PLD5: variants seen among roughly 807,000 people sequenced by gnomAD.
The protein encoded by PLD5 is phospholipase D family member 5.
A neutral mutation model predicts 61.1 loss-of-function variants in PLD5; 36 were observed. That is an observed-to-expected ratio of 0.59 (90% CI 0.45 to 0.78). The LOEUF is 0.78. PLD5 is among the 30% of genes least tolerant of loss of function. PLD5 has a pLI of 0.00. For missense variants in PLD5, 515 were observed against 644.4 expected, an observed-to-expected ratio of 0.80 and a Z score of 2.17; for synonymous variants, 243 against 242.8, an observed-to-expected ratio of 1.00 and a Z score of -0.01.
At chr1:242,239,240 G>A (rs1005491190) in intron 4 of PLD5, among the ~76,000 whole-genome samples, 1 of 152,018 alleles carries the variant, frequency 6.6e-6, no homozygotes, top group Non-Finnish European at 1.5e-5. Flanking sequence ...AATAGGAGTG[G>A]GCACAGTATC....
chr1:242,418,751 T>C (rs575932092), intron 1 of PLD5, among the ~76,000 whole-genome samples: 66 of 152,312 alleles, frequency 4.3e-4, no homozygotes, highest in African/African-American at 1.6e-3. Flanking sequence ...TACTCTTAAA[T>C]GTCCACACCA....
In PLD5 at chr1:242,393,607, C is replaced by T. The variant is rs114579235; in HGVS notation, c.190-45365G>A. Among the ~76,000 whole-genome samples, 223 of 40,290 alleles carry T rather than the reference C, an allele frequency of 5.5e-3. 7 individuals are homozygous for T. Among genetic ancestry groups the T allele is most frequent in the African/African-American group, 0.013 (91 of 7,234 alleles). The allele number at this position is 40,290 out of a possible 152,430, so 26.4% of individuals were successfully genotyped here. A position where few individuals can be genotyped will look rare whatever the true frequency, so the allele number is the denominator to read the frequency against. On this transcript the variant is annotated intron_variant, in intron 1 of 9. Transcript: ENST00000536534. ...GTATACATATGTGTATATATATGAG[C>T]ATATATGTGTATATATATGAGTATA...
chr1:242,130,727 T>A lies in PLD5; in HGVS notation c.736-6062A>T, dbSNP rs536624803. Among the ~76,000 whole-genome samples, 13 of 152,322 alleles carry A rather than the reference T, an allele frequency of 8.5e-5. No individual in the cohort carries two copies. In the East Asian group the frequency reaches 2.3e-3, roughly 27 times the overall value. On this transcript the variant is annotated intron_variant, in intron 5 of 9. Transcript: ENST00000536534. ...GTGGCCGACCACACGCCACAGAGCA[T>A]CCTGATGGGCTGCTCTGACTTCCTA...
Position 242,207,862 on chromosome 1 carries a change from A to ATATATATT in PLD5, c.735+12125_735+12126insAATATATA, listed in dbSNP as rs1558344211. ...TATATTTATATATATTTATATATTTATATATTTATATATATTTATATATTT... is the reference window on the plus strand; with the variant it reads ...TATATTTATATATATTTATATATTTATATATATTTATATTTATATATATTTATATATTT... On this transcript the variant is annotated intron_variant, in intron 5 of 9. Transcript: ENST00000536534. Among the ~76,000 whole-genome samples, 84 of 37,500 alleles carry ATATATATT rather than the reference A, an allele frequency of 2.2e-3. 1 individual carries two copies. Among genetic ancestry groups the ATATATATT allele is most frequent in the Non-Finnish European group, 3.3e-3 (72 of 21,708 alleles). 24.6% of individuals were successfully genotyped at this position (37,500 alleles called of 152,430 possible).
At position 242,241,890 on chromosome 1, in the gene PLD5, TATATATATATATATATATATAC is replaced by T. The variant is rs1318452805; in HGVS notation, c.608-21797_608-21776del. ...CTTACTATATATATATATATATATA[TATATATATATATATATATATAC>T]TTACTGTATATATATATACGCTTAT... On this transcript the variant is annotated intron_variant, in intron 4 of 9. Coordinates refer to ENST00000536534, the MANE Select transcript of PLD5 (RefSeq NM_001372062.1). Among the ~76,000 whole-genome samples, 40 of 35,290 alleles carry T rather than the reference TATATATATATATATATATATAC, an allele frequency of 1.1e-3. No homozygotes were observed. The South Asian group carries it at 0.016, about 15-fold the overall frequency. 23.2% of individuals were successfully genotyped at this position (35,290 alleles called of 152,430 possible). A position where few individuals can be genotyped will look rare whatever the true frequency, so the allele number is the denominator to read the frequency against.
chr1:242,387,694 TTTATATAAAATTTTATCTA>T, intron 1 of PLD5, among the ~76,000 whole-genome samples: 1 of 144,592 alleles, frequency 6.9e-6, no homozygotes, highest in South Asian at 2.1e-4. Context: ...TTTTATCTAT[TTTATATAAAATTTTATCTA>T]TTTTATATAA....
chr1:242,150,895 A>T (rs957558690), intron 5 of PLD5, among the ~76,000 whole-genome samples: 1 of 151,468 alleles, frequency 6.6e-6, no homozygotes, highest in Admixed American at 6.6e-5. Context: ...TTCTCCCTTC[A>T]TTTAGATTTA....
At chr1:242,246,514 CACAA>C (rs1168192789) in intron 4 of PLD5, among the ~76,000 whole-genome samples, 2 of 148,372 alleles carry the variant, frequency 1.3e-5, no homozygotes, top group Admixed American at 7.0e-5. Flanking sequence ...CACACACACA[CACAA>C]AAGCAAAATC....
intron 8 of PLD5, among the ~76,000 whole-genome samples, chr1:242,102,866 A>G (rs1048140099): frequency 1.3e-5 from 2 of 152,228 alleles, no homozygotes; most frequent in African/African-American, 4.8e-5. Context: ...AAAAGTGACC[A>G]TCTATGATCA....
intron 5 of PLD5, among the ~76,000 whole-genome samples, chr1:242,135,476 A>G (rs1480282995): frequency 6.6e-6 from 1 of 152,138 alleles, no homozygotes; most frequent in African/African-American, 2.4e-5. Context: ...CTGCTGCCTG[A>G]CTCAAACAGA....
intron 1 of PLD5, among the ~76,000 whole-genome samples, chr1:242,516,899 T>C (rs143747370): frequency 9.1e-4 from 139 of 152,356 alleles, no homozygotes; most frequent in African/African-American, 3.1e-3. Context: ...TATAGGTCAA[T>C]TTAGGGGAGA....
intron 5 of PLD5, chr1:242,177,787 G>A (rs1667259881): frequency 6.6e-6 from 1 of 152,310 alleles, no homozygotes; most frequent in South Asian, 2.1e-4. Context: ...TCCAGACAGG[G>A]GATTTCCACT....
chr1:242,417,327 T>C (rs918936394), intron 1 of PLD5, among the ~76,000 whole-genome samples: 1 of 152,174 alleles, frequency 6.6e-6, no homozygotes, highest in East Asian at 1.9e-4. Flanking sequence ...GGAAGCATCT[T>C]TCCATAAAAC....
intron 2 of PLD5, among the ~76,000 whole-genome samples, chr1:242,297,953 T>C (rs1008833788): frequency 2.2e-4 from 34 of 152,372 alleles, no homozygotes; most frequent in Admixed American, 1.2e-3. Flanking sequence ...TTCATGTTTC[T>C]TAATTCAAAG....
chr1:242,216,411 C>G (rs1280460020), intron 5 of PLD5, among the ~76,000 whole-genome samples: 3 of 152,144 alleles, frequency 2.0e-5, no homozygotes, highest in South Asian at 2.1e-4. Context: ...GCAGCCTAAT[C>G]CTTAACTTGA....
chr1:242,291,817 A>G (rs1463401552), intron 2 of PLD5, among the ~76,000 whole-genome samples: 1 of 152,076 alleles, frequency 6.6e-6, no homozygotes, highest in Non-Finnish European at 1.5e-5. Flanking sequence ...AAAAACAAAC[A>G]AACAAACAAA....
At chr1:242,401,236 A>C (rs929768534) in intron 1 of PLD5, among the ~76,000 whole-genome samples, 1 of 151,862 alleles carries the variant, frequency 6.6e-6, no homozygotes, top group Non-Finnish European at 1.5e-5. Context: ...TACCTCCAAA[A>C]CGTATTCCAA....
intron 3 of PLD5, among the ~76,000 whole-genome samples, chr1:242,280,113 T>A (rs1335905349): frequency 6.6e-6 from 1 of 152,270 alleles, no homozygotes; most frequent in African/African-American, 2.4e-5. Context: ...TGAGATAGGA[T>A]TATTAAAATA....
chr1:242,170,535 A>T (rs1030190296), intron 5 of PLD5, among the ~76,000 whole-genome samples: 1 of 152,216 alleles, frequency 6.6e-6, no homozygotes, highest in Admixed American at 6.5e-5. Flanking sequence ...GCAAGGGAAC[A>T]AAATGGGATG....
Sources: gnomAD v4.1 joint callset for allele counts (sites outside exome capture counted in the v4.1 genomes callset) on GRCh38, gnomAD v4.1.1 for gene constraint, MANE v1.5 for transcripts, NCBI Gene and HGNC (gene_info 2026-07-23, HGNC 2026-07-21) for gene names.